The following DLC1 variants were observed in gnomAD, a reference collection of about 807,000 sequenced individuals.
DLC1 encodes rho GTPase-activating protein 7.
Under a neutral mutation model 140.3 loss-of-function variants are expected in DLC1, and 54 were observed. The observed-to-expected ratio is 0.38, with a 90% CI of 0.31 to 0.48. The LOEUF (loss-of-function observed/expected upper bound fraction) is 0.48, where lower values mean the gene tolerates loss of function less well. Ranked by LOEUF, DLC1 falls within the 20% of genes least tolerant of loss-of-function variation. The pLI is 0.96. For synonymous variants in DLC1, 986 were observed against 728.1 expected, an observed-to-expected ratio of 1.35 and a Z score of -5.70; for missense variants, 2,536 against 1,907.0, an observed-to-expected ratio of 1.33 and a Z score of -6.14.
At chr8:13,498,009 T>G (rs1265710357) in intron 2 of DLC1, among the ~76,000 whole-genome samples, 1 of 152,074 alleles carries the variant, frequency 6.6e-6, no homozygotes, top group Non-Finnish European at 1.5e-5. Flanking sequence ...AGTAGTAGAT[T>G]TTTTTTTCTC....
chr8:13,383,872 G>A (rs1417169521), intron 4 of DLC1, among the ~76,000 whole-genome samples: 1 of 152,176 alleles, frequency 6.6e-6, no homozygotes, highest in Non-Finnish European at 1.5e-5. Flanking sequence ...TTAGAGAACT[G>A]CATTCCAGCA....
At chr8:13,113,082 G>A (rs892791883) in intron 6 of DLC1, among the ~76,000 whole-genome samples, 1 of 152,090 alleles carries the variant, frequency 6.6e-6, no homozygotes, top group Admixed American at 6.6e-5. Context: ...AAAAAATCTG[G>A]TAGGTATTAA....
rs1186637665 is a variant in DLC1 at position 13,143,842 on chromosome 8, G to GAGAGAGAGAGAGAGAGAGAC, written c.1349-28186_1349-28185insGTCTCTCTCTCTCTCTCTCT. Among the ~76,000 whole-genome samples the GAGAGAGAGAGAGAGAGAGAC allele has an allele frequency of 9.1e-4, 133 of 146,232 alleles. 1 individual carries two copies. The highest frequency in any genetic ancestry group is 1.6e-3 in the Non-Finnish European group (105 of 66,838). ...AGAGAGAGAGAGAGAGAGAGAGAGA[G>GAGAGAGAGAGAGAGAGAGAC]AGAGAGAGAGACATAGACATGCCAA... On this transcript the variant is annotated intron_variant, in intron 5 of 17. Coordinates refer to ENST00000276297, the MANE Select transcript of DLC1 (RefSeq NM_182643.3).
chr8:13,281,926 C>T (rs987712336), intron 5 of DLC1, among the ~76,000 whole-genome samples: 6 of 152,194 alleles, frequency 3.9e-5, no homozygotes, highest in Non-Finnish European at 7.3e-5. Flanking sequence ...AATTTCAATT[C>T]TGCGCCTTGC....
intron 5 of DLC1, among the ~76,000 whole-genome samples, chr8:13,125,788 G>A (rs1821509142): frequency 1.3e-5 from 2 of 151,576 alleles, no homozygotes; most frequent in South Asian, 4.2e-4. Context: ...TACATATACA[G>A]CTTTCTATTA....
chr8:13,204,095 C>T (rs1827537644), intron 5 of DLC1, among the ~76,000 whole-genome samples: 1 of 151,920 alleles, frequency 6.6e-6, no homozygotes, highest in South Asian at 2.1e-4. Flanking sequence ...TTTGGAAGGA[C>T]AAAAATGCTC....
At chr8:13,351,351 C>T (rs1671433) in intron 4 of DLC1, among the ~76,000 whole-genome samples, 124,477 of 152,164 alleles carry the variant, frequency 0.82, 51,168 homozygotes, top group East Asian at 0.97. Flanking sequence ...GGATTCAGTC[C>T]GAAGTTCATG....
chr8:13,431,868 T>A (rs1226355185), intron 2 of DLC1, among the ~76,000 whole-genome samples: 1 of 152,028 alleles, frequency 6.6e-6, no homozygotes, highest in Non-Finnish European at 1.5e-5. Flanking sequence ...ATAAAAAGAT[T>A]CAGGACAGAT....
chr8:13,566,978 C>A, intron 1 of DLC1: 2 of 1,533,504 alleles, frequency 1.3e-6, no homozygotes, highest in East Asian at 2.5e-5. Context: ...AGGAGCCGAG[C>A]CTGATGCATT....
At chr8:13,340,624 C>T (rs891595456) in intron 4 of DLC1, 1 of 152,122 alleles carries the variant, frequency 6.6e-6, no homozygotes, top group African/African-American at 2.4e-5. Flanking sequence ...TAAATTTCTG[C>T]TCCTAATTTC....
At chr8:13,443,657 C>CAAAAAAAAAAAAAAAAAAAA (rs11321891) in intron 2 of DLC1, among the ~76,000 whole-genome samples, 6 of 66,986 alleles carry the variant, frequency 9.0e-5, no homozygotes, top group African/African-American at 1.8e-4. Context: ...GACTCCGTCT[C>CAAAAAAAAAAAAAAAAAAAA]AAAAAAAAAA....
intron 4 of DLC1, among the ~76,000 whole-genome samples, chr8:13,347,904 A>T (rs1458843927): frequency 6.6e-6 from 1 of 152,158 alleles, no homozygotes. Flanking sequence ...CCTGGCTAAC[A>T]CAGTGAAACC....
rs199517109 is a variant in DLC1, at chr8:13,099,672, A to G, written c.2665T>C (p.Ser889Pro). 2.7e-5 allele frequency: 44 copies of G among 1,614,172 alleles called. 1 individual carries two copies. The South Asian group carries it at 3.1e-4, about 11-fold the overall frequency. The change falls in exon 9 of 18, where the codon TCC (serine) becomes CCC (proline). Residue 889 changes from serine to proline, a missense_variant. By Grantham distance (74) the Ser-to-Pro change is moderately conservative. Coordinates refer to ENST00000276297, the MANE Select transcript of DLC1 (RefSeq NM_182643.3). ...YDNVPGSILY[S>P]SSGDLADLEN... ...AGATCCGCCAGGTCCCCTGAACTGG[A>G]GTAGAGGATGGAGCCCGGCACGTTG...
At chr8:13,512,014 A>G (rs79684566) in intron 1 of DLC1, among the ~76,000 whole-genome samples, 4,373 of 152,180 alleles carry the variant, frequency 0.029, 210 homozygotes, top group African/African-American at 0.095. Flanking sequence ...GAGAGAAAAA[A>G]TTCTTTTTTT....
chr8:13,569,803 C>T (rs1415866844), intron 1 of DLC1, among the ~76,000 whole-genome samples: 2 of 152,204 alleles, frequency 1.3e-5, no homozygotes, highest in South Asian at 2.1e-4. Flanking sequence ...CTTACTGCAG[C>T]CTCAACCTCT....
chr8:13,347,386 C>T (rs1257036628), intron 4 of DLC1, among the ~76,000 whole-genome samples: 1 of 152,168 alleles, frequency 6.6e-6, no homozygotes, highest in Non-Finnish European at 1.5e-5. Flanking sequence ...CATATCATCG[C>T]TAGAGCTCAA....
intron 5 of DLC1, among the ~76,000 whole-genome samples, chr8:13,160,652 G>GAAAGCTT (rs1824620344): frequency 6.6e-6 from 1 of 152,318 alleles, no homozygotes; most frequent in Admixed American, 6.5e-5. Flanking sequence ...CTAAACCGCA[G>GAAAGCTT]AAAGCTTCAT....
At chr8:13,355,063 C>G (rs536721222) in intron 4 of DLC1, among the ~76,000 whole-genome samples, 2 of 151,920 alleles carry the variant, frequency 1.3e-5, no homozygotes, top group Non-Finnish European at 2.9e-5. Context: ...AATCATCTTA[C>G]TGCACTATCA....
At chr8:13,232,750 C>A (rs1033166974) in intron 5 of DLC1, among the ~76,000 whole-genome samples, 4 of 152,208 alleles carry the variant, frequency 2.6e-5, no homozygotes, top group African/African-American at 9.6e-5. Flanking sequence ...ATGTTTACTT[C>A]ATCAATTCTG....
Sources: gnomAD v4.1 joint callset for allele counts (sites outside exome capture counted in the v4.1 genomes callset) on GRCh38, gnomAD v4.1.1 for gene constraint, MANE v1.5 for transcripts, NCBI Gene and HGNC (gene_info 2026-07-23, HGNC 2026-07-21) for gene names.